The following LRP1B variants were observed in gnomAD, a reference collection of about 807,000 sequenced individuals.
LRP1B encodes the protein LDL receptor related protein 1B.
LRP1B carries 217 observed loss-of-function variants against 556.6 expected under a neutral mutation model. The observed-to-expected ratio is 0.39, with a 90% CI of 0.35 to 0.44. The LOEUF is 0.44. LRP1B is among the 20% of genes least tolerant of loss of function. LRP1B has a pLI of 1.00. For synonymous variants in LRP1B, 2,047 were observed against 1,865.8 expected (o/e 1.10, Z -2.50); for missense variants, 5,053 against 5,620.8 (o/e 0.90, Z 3.23).
chr2:140,819,239 A>C (rs776203500), intron 31 of LRP1B, among the ~76,000 whole-genome samples: 5 of 152,200 alleles, frequency 3.3e-5, no homozygotes, highest in Admixed American at 6.5e-5. Context: ...GCTCTATTCT[A>C]AAGCTTGCAA....
At chr2:142,117,029 A>G (rs1707297654) in intron 1 of LRP1B, among the ~76,000 whole-genome samples, 1 of 151,602 alleles carries the variant, frequency 6.6e-6, no homozygotes, top group Non-Finnish European at 1.5e-5. Context: ...TTCCTTCCAC[A>G]TTTCACTAAC....
rs1692410306 is a variant in LRP1B, at chr2:140,850,076, A to G, written c.4939+26T>C. ...CAAACTGAATAACAAACACTTTTAA[A>G]GTTGTAACATGTACGAATCTTTTAC... On this transcript the variant is annotated intron_variant, in intron 29 of 90. Transcript: ENST00000389484. 1.1e-5 allele frequency: 15 copies of G among 1,385,954 alleles called. No homozygotes were observed. In the East Asian group the frequency reaches 3.4e-4, roughly 32 times the overall value. 85.9% of individuals were successfully genotyped at this position (1,385,954 alleles called of 1,614,324 possible).
intron 41 of LRP1B, among the ~76,000 whole-genome samples, chr2:140,697,805 T>C (rs182894452): frequency 6.6e-6 from 1 of 152,192 alleles, no homozygotes; most frequent in East Asian, 1.9e-4. Flanking sequence ...GATATTGCCT[T>C]ACACAGAGTT....
At chr2:140,874,967 G>C (rs1338557214) in intron 25 of LRP1B, among the ~76,000 whole-genome samples, 1 of 151,480 alleles carries the variant, frequency 6.6e-6, no homozygotes, top group Non-Finnish European at 1.5e-5. Context: ...GCAGTGAGCT[G>C]AGATCGTGCC....
At chr2:141,043,581 G>A (rs972362565) in intron 11 of LRP1B, among the ~76,000 whole-genome samples, 1 of 151,774 alleles carries the variant, frequency 6.6e-6, no homozygotes. Flanking sequence ...TCAAATCTAG[G>A]TAAAAATGCT....
intron 79 of LRP1B, among the ~76,000 whole-genome samples, chr2:140,327,953 T>G (rs1380627944): frequency 1.4e-5 from 2 of 139,924 alleles, no homozygotes; most frequent in Admixed American, 1.4e-4. Flanking sequence ...ACTTTTGATT[T>G]TCTATTAAGC....
chr2:141,562,086 T>A (rs1221285808), intron 2 of LRP1B, among the ~76,000 whole-genome samples: 1 of 151,912 alleles, frequency 6.6e-6, no homozygotes, highest in East Asian at 1.9e-4. Flanking sequence ...AATGGAGAGA[T>A]GTGTTATACA....
chr2:140,570,444 A>C (rs1321086703), intron 43 of LRP1B, among the ~76,000 whole-genome samples: 1 of 151,634 alleles, frequency 6.6e-6, no homozygotes, highest in Non-Finnish European at 1.5e-5. Context: ...ATACATTTAT[A>C]AACACATAAA....
At chr2:141,065,785 G>C (rs544288076) in intron 7 of LRP1B, among the ~76,000 whole-genome samples, 1 of 151,780 alleles carries the variant, frequency 6.6e-6, no homozygotes, top group South Asian at 2.1e-4. Flanking sequence ...GATGTTTTCT[G>C]AACACTTAAC....
rs2105462688 is a variant in LRP1B at position 141,058,929 on chromosome 2, C to T, written c.1362G>A (p.Glu454=). Residue 454 remains glutamate (E), a synonymous_variant, in exon 9 of 91, where the codon GAG becomes GAA. Transcript: ENST00000389484. The part of the protein sequence containing the change: ...GTDIHSLIKI[E]NAWGIRIYQK... ...GATAAATTCGGATTCCCCAAGCATT[C>T]TCAATTTTAATTAATGAGTGAATAT... 1.3e-6 allele frequency: 2 copies of T among 1,598,614 alleles called. No individual in the cohort carries two copies. The highest frequency in any genetic ancestry group is 1.7e-6 in the Non-Finnish European group (2 of 1,173,646).
chr2:141,724,840 T>G (rs1461821547), intron 2 of LRP1B, among the ~76,000 whole-genome samples: 1 of 151,964 alleles, frequency 6.6e-6, no homozygotes, highest in Admixed American at 6.6e-5. Flanking sequence ...AATTATGCAT[T>G]TGTATTCCAC....
chr2:141,416,292 C>T (rs1172528122), intron 3 of LRP1B, among the ~76,000 whole-genome samples: 1 of 151,948 alleles, frequency 6.6e-6, no homozygotes, highest in Non-Finnish European at 1.5e-5. Context: ...AGGTAAGTGA[C>T]CTTGGCTAAT....
intron 1 of LRP1B, among the ~76,000 whole-genome samples, chr2:142,025,047 T>C (rs111682795): frequency 0.017 from 2,616 of 152,260 alleles, 78 homozygotes; most frequent in African/African-American, 0.058. Context: ...AGGAAATTGA[T>C]GTTTTTTGAT....
chr2:141,785,278 A>C (rs1401592369), intron 2 of LRP1B, among the ~76,000 whole-genome samples: 2 of 151,942 alleles, frequency 1.3e-5, no homozygotes, highest in East Asian at 3.9e-4. Flanking sequence ...GTCAGCTAAG[A>C]GTCATCAGAC....
At chr2:140,884,829 C>T (rs978837468) in intron 24 of LRP1B, among the ~76,000 whole-genome samples, 1 of 152,154 alleles carries the variant, frequency 6.6e-6, no homozygotes, top group African/African-American at 2.4e-5. Flanking sequence ...TCTCCTACTT[C>T]AGCCTCCTGA....
intron 71 of LRP1B, among the ~76,000 whole-genome samples, chr2:140,365,776 A>C (rs1682733200): frequency 6.6e-6 from 1 of 151,668 alleles, no homozygotes; most frequent in African/African-American, 2.4e-5. Context: ...TACGTAAGAG[A>C]TACAATTCAT....
Position 141,286,400 on chromosome 2 carries a change from T to A in LRP1B, c.344-31759A>T, listed in dbSNP as rs376003535. On this transcript the variant is annotated intron_variant, in intron 3 of 90. Transcript: ENST00000389484. ...TTTATGTCTATGTTTATAAAGGCTA[T>A]TTGCCATTGTTACTATTATTAAAAT... 1.3e-3 allele frequency among the ~76,000 whole-genome samples: 195 copies of A among 152,324 alleles called. 6 individuals carry two copies. The South Asian group carries it at 0.039, about 31-fold the overall frequency.
intron 2 of LRP1B, among the ~76,000 whole-genome samples, chr2:141,778,785 TTCCTTGCAGC>T (rs2105633381): frequency 6.6e-6 from 1 of 152,334 alleles, no homozygotes; most frequent in African/African-American, 2.4e-5. Flanking sequence ...TTTTTTTTCT[TTCCTTGCAGC>T]ATAGAAAAGC....
chr2:140,645,877 A>T (rs1015807639), intron 41 of LRP1B, among the ~76,000 whole-genome samples: 101 of 152,164 alleles, frequency 6.6e-4, no homozygotes, highest in African/African-American at 2.4e-3. Flanking sequence ...TACCATTTTC[A>T]GGACATTCAT....
Sources: allele counts gnomAD v4.1 joint callset (sites outside exome capture counted in the v4.1 genomes callset), GRCh38; gene constraint gnomAD v4.1.1; transcripts MANE v1.5; gene names NCBI Gene and HGNC (gene_info 2026-07-23, HGNC 2026-07-21).